DSCAML1: variants seen among roughly 807,000 people sequenced by gnomAD.
The protein encoded by DSCAML1 is DS cell adhesion molecule like 1.
DSCAML1 carries 38 observed loss-of-function variants against 200.5 expected under a neutral mutation model. The observed-to-expected ratio is 0.19, with a 90% CI of 0.15 to 0.25. DSCAML1 has a LOEUF of 0.25. Ranked by LOEUF, DSCAML1 falls within the 10% of genes least tolerant of loss-of-function variation. DSCAML1 has a pLI of 1.00. For missense variants in DSCAML1, 2,223 were observed against 2,858.8 expected (o/e 0.78, Z 5.07); for synonymous variants, 1,215 against 1,165.0 (o/e 1.04, Z -0.87).
intron 3 of DSCAML1, among the ~76,000 whole-genome samples, chr11:117,655,922 G>A (rs1403272962): frequency 1.3e-5 from 2 of 152,176 alleles, no homozygotes; most frequent in African/African-American, 4.8e-5. Flanking sequence ...CGTGAGGGAC[G>A]AGGGGAGGTG....
At chr11:117,527,981 C>T (rs990252892) in intron 4 of DSCAML1, among the ~76,000 whole-genome samples, 9 of 152,152 alleles carry the variant, frequency 5.9e-5, no homozygotes, top group South Asian at 2.1e-4. Context: ...TCCTAGAGCC[C>T]GAGTTTCCCC....
intron 3 of DSCAML1, among the ~76,000 whole-genome samples, chr11:117,760,179 T>C (rs1238436983): frequency 6.6e-6 from 1 of 152,214 alleles, no homozygotes; most frequent in South Asian, 2.1e-4. Context: ...TGTTTTCTAA[T>C]GATAACATAT....
At chr11:117,640,375 TC>T (rs1238565415) in intron 3 of DSCAML1, among the ~76,000 whole-genome samples, 2 of 152,094 alleles carry the variant, frequency 1.3e-5, no homozygotes, top group African/African-American at 4.8e-5. Context: ...CTTAGGAAAA[TC>T]TAAGGAAGGT....
At chr11:117,650,428 GAAT>G (rs2052606850) in intron 3 of DSCAML1, among the ~76,000 whole-genome samples, 2 of 152,192 alleles carry the variant, frequency 1.3e-5, no homozygotes, top group Non-Finnish European at 2.9e-5. Context: ...ATGAATGAAT[GAAT>G]GAATGCCCTG....
At chr11:117,679,543 A>G (rs1387894020) in intron 3 of DSCAML1, among the ~76,000 whole-genome samples, 1 of 152,206 alleles carries the variant, frequency 6.6e-6, no homozygotes, top group East Asian at 1.9e-4. Flanking sequence ...GTACCCCAGC[A>G]TAGCCTGCTC....
chr11:117,512,643 TAC>T (rs71037481), intron 8 of DSCAML1, among the ~76,000 whole-genome samples: 1,707 of 125,154 alleles, frequency 0.014, 19 homozygotes, highest in East Asian at 0.026. Flanking sequence ...CAAGCGTGTG[TAC>T]ACACACACAC....
chr11:117,643,462 C>T (rs926753221), intron 3 of DSCAML1, among the ~76,000 whole-genome samples: 2 of 152,206 alleles, frequency 1.3e-5, no homozygotes, highest in African/African-American at 4.8e-5. Flanking sequence ...TGAGGCTGAC[C>T]CTTCAAAGAA....
chr11:117,591,774 G>T (rs1167046380), intron 3 of DSCAML1, among the ~76,000 whole-genome samples: 1 of 152,164 alleles, frequency 6.6e-6, no homozygotes, highest in African/African-American at 2.4e-5. Flanking sequence ...GCCCATTCTG[G>T]AACGAGGGAG....
intron 3 of DSCAML1, among the ~76,000 whole-genome samples, chr11:117,712,322 G>A (rs896459984): frequency 6.6e-6 from 1 of 152,134 alleles, no homozygotes; most frequent in African/African-American, 2.4e-5. Flanking sequence ...AGTGGGGGTT[G>A]GGGAGGGTTC....
intron 1 of DSCAML1, among the ~76,000 whole-genome samples, chr11:117,781,891 G>A (rs1202677450): frequency 6.6e-6 from 1 of 152,234 alleles, no homozygotes; most frequent in Non-Finnish European, 1.5e-5. Context: ...CCAGCATCAG[G>A]CCTAGATATT....
At chr11:117,735,471 AAG>A (rs1482913700) in intron 3 of DSCAML1, among the ~76,000 whole-genome samples, 3 of 152,182 alleles carry the variant, frequency 2.0e-5, no homozygotes, top group Non-Finnish European at 4.4e-5. Context: ...CCTGCCCCTG[AAG>A]AGAGGAGAGG....
At chr11:117,431,115 C>T in intron 31 of DSCAML1, 82 bp from the exon 32 acceptor site, 2 of 1,372,756 alleles carry the variant, frequency 1.5e-6, no homozygotes, top group East Asian at 2.3e-5. Flanking sequence ...TGCCCGTAAC[C>T]CCAGCAGCCA....
chr11:117,452,514 A>G (rs1250554903), intron 19 of DSCAML1, among the ~76,000 whole-genome samples: 2 of 152,158 alleles, frequency 1.3e-5, no homozygotes, highest in African/African-American at 4.8e-5. Flanking sequence ...TCTCCTGTAA[A>G]CAGTACATAT....
rs71037499 is a variant in DSCAML1 at position 117,780,304 on chromosome 11, G to GAAAGAAAAAGAA, written c.364+188_364+189insTTCTTTTTCTTT. Among the ~76,000 whole-genome samples, 190 of 98,440 alleles carry GAAAGAAAAAGAA rather than the reference G, an allele frequency of 1.9e-3. 6 individuals are homozygous for GAAAGAAAAAGAA. In the East Asian group the frequency reaches 0.02, roughly 11 times the overall value. The allele number at this position is 98,440 out of a possible 152,430, so 64.6% of individuals were successfully genotyped here. A position where few individuals can be genotyped will look rare whatever the true frequency, so the allele number is the denominator to read the frequency against. On this transcript the variant is annotated intron_variant, in intron 2 of 32. Coordinates refer to ENST00000651296, the MANE Select transcript of DSCAML1 (RefSeq NM_020693.4). The surrounding 1 kb of genome is among the most constrained non-coding windows in gnomAD (Gnocchi z 4.8). The stretch of plus-strand genomic sequence containing the variant: ...AGAAAGAAAGAAAGAAAGAAAGAAA[G>GAAAGAAAAAGAA]AGAGAAAGGAGAAAGAAAGGTGTCT...
intron 1 of DSCAML1, among the ~76,000 whole-genome samples, chr11:117,814,254 T>C (rs2055784421): frequency 6.6e-6 from 1 of 152,178 alleles, no homozygotes; most frequent in Non-Finnish European, 1.5e-5. Context: ...TCAGCCCGCC[T>C]GCACCCAGGT....
chr11:117,751,308 C>T (rs549770011), intron 3 of DSCAML1, among the ~76,000 whole-genome samples: 1 of 151,370 alleles, frequency 6.6e-6, no homozygotes, highest in Admixed American at 6.6e-5. Context: ...GCATATGCTC[C>T]CTTAAAAAAA....
intron 3 of DSCAML1, among the ~76,000 whole-genome samples, chr11:117,727,635 C>G (rs1425391173): frequency 6.7e-6 from 1 of 148,850 alleles, no homozygotes; most frequent in Non-Finnish European, 1.5e-5. Flanking sequence ...TCAGGAGTCC[C>G]CACATGAATG....
intron 3 of DSCAML1, among the ~76,000 whole-genome samples, chr11:117,544,586 G>T (rs1489252409): frequency 6.6e-6 from 1 of 152,154 alleles, no homozygotes; most frequent in African/African-American, 2.4e-5. Flanking sequence ...GTCCCTGCCA[G>T]CCTGGGTTTG....
chr11:117,781,403 C>A (rs1223596835), intron 1 of DSCAML1, among the ~76,000 whole-genome samples: 1 of 152,026 alleles, frequency 6.6e-6, no homozygotes, highest in Non-Finnish European at 1.5e-5. Context: ...AAAATGTGAA[C>A]CCATTGCTCC....
Sources: allele counts gnomAD v4.1 joint callset (sites outside exome capture counted in the v4.1 genomes callset), GRCh38; gene constraint gnomAD v4.1.1; non-coding constraint Gnocchi (gnomAD v3.1); transcripts MANE v1.5; gene names NCBI Gene and HGNC (gene_info 2026-07-23, HGNC 2026-07-21).